The following MFNG variants were observed in gnomAD, a reference collection of about 807,000 sequenced individuals.
MFNG encodes the protein MFNG O-fucosylpeptide 3-beta-N-acetylglucosaminyltransferase.
MFNG carries 24 observed loss-of-function variants against 34.2 expected under a neutral mutation model. The observed-to-expected ratio is 0.70, with a 90% confidence interval of 0.51 to 0.99. The LOEUF (loss-of-function observed/expected upper bound fraction) is 0.99, where lower values mean the gene tolerates loss of function less well. Among genes scored for constraint, MFNG ranks in the 50% least tolerant of loss-of-function variants. MFNG has a pLI of 0.00. For synonymous variants in MFNG, 158 were observed against 179.2 expected, an observed-to-expected ratio of 0.88 and a Z score of 0.94; for missense variants, 383 against 424.0, an observed-to-expected ratio of 0.90 and a Z score of 0.85.
intron 2 of MFNG, 71 bp from the exon 3 acceptor site, chr22:37,480,370 G>A (rs1922239400): frequency 2.4e-6 from 3 of 1,232,650 alleles, no homozygotes; most frequent in African/African-American, 1.5e-5. Flanking sequence ...ACAGAATACA[G>A]AGCAAGGCTG....
chr22:37,471,395 G>A (rs2145724984), intron 7 of MFNG, among the ~76,000 whole-genome samples: 1 of 152,318 alleles, frequency 6.6e-6, no homozygotes, highest in East Asian at 1.9e-4. Flanking sequence ...GGCATGCAAG[G>A]TGAAGCCAGC....
intron 7 of MFNG, 32 bp downstream of exon 7, chr22:37,472,411 C>T (rs369881079): frequency 8.3e-5 from 127 of 1,521,046 alleles, no homozygotes; most frequent in Non-Finnish European, 1.1e-4. Context: ...GCCCCCACTC[C>T]TCCCATCCAA....
intron 5 of MFNG, among the ~76,000 whole-genome samples, chr22:37,474,985 C>T (rs969909569): frequency 6.6e-6 from 1 of 152,178 alleles, no homozygotes; most frequent in Non-Finnish European, 1.5e-5. Flanking sequence ...TTCATTCATT[C>T]ACTCATTTAT....
intron 3 of MFNG, 111 bp from the exon 4 acceptor site, chr22:37,479,609 G>T: frequency 1.5e-6 from 2 of 1,368,928 alleles, no homozygotes; most frequent in Non-Finnish European, 2.0e-6. Context: ...GGGTGGGAGA[G>T]GCTGACATTT....
intron 5 of MFNG, among the ~76,000 whole-genome samples, chr22:37,476,229 G>A (rs1336038198): frequency 1.3e-5 from 2 of 151,880 alleles, no homozygotes; most frequent in Admixed American, 6.6e-5. Flanking sequence ...GCCAGGCCTC[G>A]CCACTTCTAG....
chr22:37,481,072 A>G (rs752453068), intron 1 of MFNG: 1 of 442,192 alleles, frequency 2.3e-6, no homozygotes, highest in Non-Finnish European at 4.1e-6. Context: ...ACCCTCTTCT[A>G]TCACACACAC....
At chr22:37,472,742 A>C in intron 6 of MFNG, 2 of 475,294 alleles carry the variant, frequency 4.2e-6, no homozygotes, top group South Asian at 6.3e-5. Flanking sequence ...TTGCTCCCTC[A>C]AGAGTTGAGC....
At chr22:37,473,364 G>A (rs1319560508) in intron 6 of MFNG, among the ~76,000 whole-genome samples, 1 of 152,082 alleles carries the variant, frequency 6.6e-6, no homozygotes, top group East Asian at 1.9e-4. Flanking sequence ...GGGAGGTGGA[G>A]GTTGCAGAGA....
Position 37,472,510 on chromosome 22 carries a change from C to T in MFNG, c.832G>A (p.Val278Ile). The change falls in exon 7 of 8, where the codon GTC (valine) becomes ATC (isoleucine). Residue 278 changes from valine (V) to isoleucine (I), a missense_variant. Coordinates refer to ENST00000356998, the MANE Select transcript of MFNG (RefSeq NM_002405.4). ...LPEQVTLSYG[V>I]FEGKLNVIKL... is the part of the protein sequence containing the mutation. ...ATGACGTTGAGTTTCCCCTCAAAGA[C>T]ACCGTAGCTGAGGGTGACCTGGGCA... 1 of 1,581,662 alleles carries T rather than the reference C, an allele frequency of 6.3e-7. No homozygotes were observed. The highest frequency in any genetic ancestry group is 2.4e-5 in the East Asian group (1 of 40,946).
At chr22:37,470,607 G>A (rs1219456907) in intron 7 of MFNG, among the ~76,000 whole-genome samples, 1 of 152,150 alleles carries the variant, frequency 6.6e-6, no homozygotes, top group East Asian at 1.9e-4. Flanking sequence ...TTCCTATATC[G>A]AGCCAAATTC....
intron 1 of MFNG, chr22:37,484,673 C>T (rs1371714176): frequency 6.6e-6 from 1 of 152,328 alleles, no homozygotes; most frequent in African/African-American, 2.4e-5. Context: ...TACACAGACG[C>T]ATAAACAGGA....
chr22:37,477,863 G>A (rs180985561), intron 4 of MFNG, among the ~76,000 whole-genome samples: 32 of 152,278 alleles, frequency 2.1e-4, no homozygotes, highest in African/African-American at 7.7e-4. Context: ...CTTTGAGTAG[G>A]GGCTGTTATC....
chr22:37,476,552 C>G (rs561478929), intron 5 of MFNG, among the ~76,000 whole-genome samples: 1 of 152,090 alleles, frequency 6.6e-6, no homozygotes, highest in Non-Finnish European at 1.5e-5. Flanking sequence ...CAGAAAAGGG[C>G]GGTAAATAGC....
At chr22:37,480,942 CT>C (rs1569158120) in intron 1 of MFNG, 173 bp from the exon 2 acceptor site, 1 of 625,634 alleles carries the variant, frequency 1.6e-6, no homozygotes, top group Non-Finnish European at 2.9e-6. Context: ...CACAACCCAG[CT>C]TTTGTAGACA....
chr22:37,484,343 G>A (rs868405791), intron 1 of MFNG: 5 of 152,578 alleles, frequency 3.3e-5, no homozygotes, highest in South Asian at 2.1e-4. Flanking sequence ...GGGAAACTGC[G>A]GGCCGAAAGG....
Position 37,486,345 on chromosome 22 carries a change from T to TTTTTTAATGATAC in MFNG, c.-169_-168insGTATCATTAAAAA. The TTTTTTAATGATAC allele has an allele frequency of 1.5e-6, 1 of 652,684 alleles. No individual in the cohort carries two copies. Among genetic ancestry groups the TTTTTTAATGATAC allele is most frequent in the Non-Finnish European group, 2.3e-6 (1 of 442,520 alleles). The allele number at this position is 652,684 out of a possible 1,614,324, so 40.4% of individuals were successfully genotyped here. On this transcript the variant is annotated 5_prime_UTR_variant, in exon 1 of 8. Coordinates refer to ENST00000356998, the MANE Select transcript of MFNG (RefSeq NM_002405.4). ...GGCTCTGGACCCAGAGGCTGAGCCA[T>TTTTTTAATGATAC]GGCAGCACGATCTCGACCGCCGCCA... is the stretch of plus-strand genomic sequence containing the variant.
chr22:37,476,636 A>G lies in MFNG; in HGVS notation c.647+260T>C, dbSNP rs559518490. On this transcript the variant is annotated intron_variant, in intron 5 of 7. Coordinates refer to ENST00000356998, the MANE Select transcript of MFNG (RefSeq NM_002405.4). ...CATTGGCCACTGCATTATCAGGTCC[A>G]TGTGCCGACGGGGGGACTGGGGCTC... 1.4e-4 allele frequency among the ~76,000 whole-genome samples: 22 copies of G among 152,308 alleles called. 1 individual carries two copies. In the East Asian group the frequency reaches 4.1e-3, roughly 28 times the overall value.
At position 37,472,523 on chromosome 22, in the gene MFNG, G is replaced by C. The variant is rs1921856973; in HGVS notation, c.819C>G (p.Thr273=). The C allele has an allele frequency of 6.3e-7, 1 of 1,580,456 alleles. No homozygotes were observed. Among genetic ancestry groups the C allele is most frequent in the Non-Finnish European group, 8.6e-7 (1 of 1,166,180 alleles). ...LRTAQLPEQV[T]LSYGVFEGKL... The stretch of plus-strand genomic sequence containing the variant: ...TCCCCTCAAAGACACCGTAGCTGAG[G>C]GTGACCTGGGCAGGGAGATAGAAGA... The change falls in exon 7 of 8, where the codon ACC becomes ACG. Residue 273 remains threonine (T), a synonymous_variant. Transcript: ENST00000356998.
intron 1 of MFNG, chr22:37,481,083 A>G (rs1922273048): frequency 2.4e-6 from 1 of 408,510 alleles, no homozygotes; most frequent in Middle Eastern, 6.8e-4. Context: ...TCACACACAC[A>G]CACAATCACA....
Sources: gnomAD v4.1 joint callset for allele counts (sites outside exome capture counted in the v4.1 genomes callset) on GRCh38, gnomAD v4.1.1 for gene constraint, MANE v1.5 for transcripts, NCBI Gene and HGNC (gene_info 2026-07-23, HGNC 2026-07-21) for gene names.